Variants in TIAM1 observed in about 807,000 individuals in gnomAD.
TIAM1 encodes TIAM Rac1 associated GEF 1.
In TIAM1, 65 loss-of-function variants were observed where a neutral mutation model predicts 163.5. That is an observed-to-expected ratio of 0.40 (90% CI 0.33 to 0.49). TIAM1 has a LOEUF of 0.49. TIAM1 is among the 20% of genes least tolerant of loss of function. TIAM1 has a pLI of 0.77. For synonymous variants in TIAM1, 833 were observed against 810.1 expected (o/e 1.03, Z -0.48); for missense variants, 1,789 against 2,044.7 (o/e 0.87, Z 2.41).
intron 2 of TIAM1, among the ~76,000 whole-genome samples, chr21:31,412,965 C>CA (rs1271660672): frequency 6.6e-6 from 1 of 152,138 alleles, no homozygotes; most frequent in Non-Finnish European, 1.5e-5. Context: ...TGGTTCCTAA[C>CA]AGACCATAGA....
rs2075949703 is a variant in TIAM1, at chr21:31,339,396, G to A, written c.-342C>T. 1 of 398,656 alleles carries A rather than the reference G, an allele frequency of 2.5e-6. No homozygotes were observed. The highest frequency in any genetic ancestry group is 4.4e-6 in the Non-Finnish European group (1 of 226,110). 24.7% of individuals were successfully genotyped at this position (398,656 alleles called of 1,614,324 possible). A position where few individuals can be genotyped will look rare whatever the true frequency, so the allele number is the denominator to read the frequency against. On this transcript the variant is annotated 5_prime_UTR_variant, in exon 2 of 28. Coordinates refer to ENST00000541036, the MANE Select transcript of TIAM1 (RefSeq NM_001353694.2). The stretch of plus-strand genomic sequence containing the variant: ...CCTCCTGGGCTTCAGGTCTAGAAAG[G>A]TGGGTCTCAGTCCACAGTGATTCTA...
intron 1 of TIAM1, among the ~76,000 whole-genome samples, chr21:31,478,563 T>G (rs548710238): frequency 6.6e-6 from 1 of 152,296 alleles, no homozygotes; most frequent in African/African-American, 2.4e-5. Context: ...TCTGGAACAT[T>G]TCAGTATTCA....
chr21:31,460,094 G>A (rs2045268107), intron 2 of TIAM1, among the ~76,000 whole-genome samples: 1 of 152,204 alleles, frequency 6.6e-6, no homozygotes, highest in Middle Eastern at 3.2e-3. Context: ...CCCCAGGTCA[G>A]TCTAGCACGT....
chr21:31,242,575 C>A (rs934433000), intron 6 of TIAM1, among the ~76,000 whole-genome samples: 1 of 152,128 alleles, frequency 6.6e-6, no homozygotes, highest in African/African-American at 2.4e-5. Context: ...CTTGAACTTG[C>A]AAACTTCTGT....
chr21:31,307,141 G>A (rs2074744731), intron 2 of TIAM1, among the ~76,000 whole-genome samples: 1 of 152,212 alleles, frequency 6.6e-6, no homozygotes. Context: ...ATAATGGAAT[G>A]AGGCACAAAT....
At chr21:31,135,834 CTTTATT>C (rs2082600262) in intron 23 of TIAM1, 93 bp downstream of exon 23, 1 of 1,142,974 alleles carries the variant, frequency 8.7e-7, no homozygotes, top group African/African-American at 1.5e-5. Context: ...CTGCAATTAA[CTTTATT>C]TTTAATCAAT....
In TIAM1 at chr21:31,447,191, C is replaced by G. The variant is rs182522816; in HGVS notation, c.-369+16792G>C. Reference sequence around the variant, plus strand: ...ATCACTTGAGCCCAGGAGTTCCAGACCAGCCTGACCAACAAAGGGAAACCC... The same window carrying G: ...ATCACTTGAGCCCAGGAGTTCCAGAGCAGCCTGACCAACAAAGGGAAACCC... On this transcript the variant is annotated intron_variant, in intron 2 of 28. Transcript: ENST00000286827. Among the ~76,000 whole-genome samples the G allele has an allele frequency of 3.9e-5, 6 of 152,282 alleles. No individual in the cohort carries two copies. In the East Asian group the frequency reaches 9.7e-4, roughly 25 times the overall value.
chr21:31,384,139 T>C (rs2076826132), intron 2 of TIAM1, among the ~76,000 whole-genome samples: 1 of 151,924 alleles, frequency 6.6e-6, no homozygotes, highest in Non-Finnish European at 1.5e-5. Context: ...GCACTTCCAG[T>C]CTCAAGCAGG....
chr21:31,489,447 GAAGA>G (rs1413487451), intron 1 of TIAM1, among the ~76,000 whole-genome samples: 3 of 135,400 alleles, frequency 2.2e-5, no homozygotes, highest in South Asian at 2.5e-4. Flanking sequence ...AGCAGGAGGA[GAAGA>G]AAGAAAGAGA....
At chr21:31,147,118 C>T (rs1601285756) in intron 19 of TIAM1, 115 bp from the exon 20 acceptor site, 4 of 810,618 alleles carry the variant, frequency 4.9e-6, no homozygotes, top group Admixed American at 2.0e-5. Context: ...CAACATCTTC[C>T]GTGCCTGTCA....
chr21:31,383,259 A>G (rs906746898), intron 2 of TIAM1, among the ~76,000 whole-genome samples: 1 of 152,198 alleles, frequency 6.6e-6, no homozygotes, highest in Non-Finnish European at 1.5e-5. Flanking sequence ...AGTGTAAAAC[A>G]TAATAGTTCC....
At chr21:31,256,914 C>T (rs902133597) in intron 4 of TIAM1, among the ~76,000 whole-genome samples, 2 of 152,134 alleles carry the variant, frequency 1.3e-5, no homozygotes, top group African/African-American at 4.8e-5. Flanking sequence ...TACCTTCAGC[C>T]CTACTTACAT....
At chr21:31,428,994 C>CTTTGTTTGTTTGTTTGTTTG (rs376708387) in intron 2 of TIAM1, among the ~76,000 whole-genome samples, 45 of 151,840 alleles carry the variant, frequency 3.0e-4, no homozygotes, top group African/African-American at 1.0e-3. Context: ...TACAACCTAA[C>CTTTGTTTGTTTGTTTGTTTG]TTTGTTTGTT....
intron 16 of TIAM1, among the ~76,000 whole-genome samples, chr21:31,156,841 C>T (rs757104938): frequency 1.7e-4 from 26 of 152,186 alleles, no homozygotes; most frequent in Non-Finnish European, 3.1e-4. Context: ...TGATTTGGTA[C>T]CTGGCAAAGG....
intron 2 of TIAM1, among the ~76,000 whole-genome samples, chr21:31,314,640 CCA>C (rs1313656064): frequency 1.3e-5 from 2 of 152,044 alleles, no homozygotes; most frequent in Non-Finnish European, 2.9e-5. Context: ...TGGCTGCAAA[CCA>C]CTAAAATTAT....
intron 2 of TIAM1, among the ~76,000 whole-genome samples, chr21:31,337,657 G>T (rs767664874): frequency 6.6e-6 from 1 of 151,608 alleles, no homozygotes; most frequent in East Asian, 1.9e-4. Context: ...TCAGCCTCCC[G>T]CGTAGCTGAG....
intron 1 of TIAM1, among the ~76,000 whole-genome samples, chr21:31,494,925 A>G (rs1407286832): frequency 6.6e-6 from 1 of 152,212 alleles, no homozygotes; most frequent in Non-Finnish European, 1.5e-5. Flanking sequence ...GTGCAATAGA[A>G]TTAGAGGTTC....
chr21:31,133,878 G>A (rs1158973771), intron 23 of TIAM1, among the ~76,000 whole-genome samples: 1 of 152,120 alleles, frequency 6.6e-6, no homozygotes, highest in African/African-American at 2.4e-5. Flanking sequence ...GACCATCTTG[G>A]CCAACATGGT....
At chr21:31,370,673 C>T (rs919347557) in intron 2 of TIAM1, among the ~76,000 whole-genome samples, 2 of 152,134 alleles carry the variant, frequency 1.3e-5, no homozygotes, top group Non-Finnish European at 2.9e-5. Context: ...ACAAGACATA[C>T]TGCGGTCTAT....
Sources: allele counts gnomAD v4.1 joint callset (sites outside exome capture counted in the v4.1 genomes callset), GRCh38; gene constraint gnomAD v4.1.1; transcripts MANE v1.5; gene names NCBI Gene and HGNC (gene_info 2026-07-23, HGNC 2026-07-21).